The following ADAMTSL1 variants were observed in gnomAD, a reference collection of about 807,000 sequenced individuals.
The protein encoded by ADAMTSL1 is ADAMTS like 1.
ADAMTSL1 carries 126 observed loss-of-function variants against 201.8 expected under a neutral mutation model. That is an observed-to-expected ratio of 0.62 (90% CI 0.54 to 0.72). The LOEUF is 0.72. Among genes scored for constraint, ADAMTSL1 ranks in the 30% least tolerant of loss-of-function variants. ADAMTSL1 has a pLI of 0.00. For missense variants in ADAMTSL1, 2,679 were observed against 2,277.8 expected, an observed-to-expected ratio of 1.18 and a Z score of -3.59; for synonymous variants, 1,121 against 903.4, an observed-to-expected ratio of 1.24 and a Z score of -4.32.
At chr9:18,149,398 A>G (rs548600509) in intron 1 of ADAMTSL1, among the ~76,000 whole-genome samples, 9 of 152,146 alleles carry the variant, frequency 5.9e-5, no homozygotes, top group African/African-American at 2.2e-4. Context: ...CTATAGGGAT[A>G]AATGGAGACC....
At chr9:18,450,430 A>T (rs1417035) in intron 2 of ADAMTSL1, among the ~76,000 whole-genome samples, 1 of 151,710 alleles carries the variant, frequency 6.6e-6, no homozygotes, top group Non-Finnish European at 1.5e-5. Flanking sequence ...TAATGAAAAT[A>T]TATTTGCCAT....
chr9:17,985,560 G>T (rs1229376614), intron 1 of ADAMTSL1, among the ~76,000 whole-genome samples: 2 of 152,056 alleles, frequency 1.3e-5, no homozygotes, highest in Non-Finnish European at 2.9e-5. Context: ...AGACAAGGAG[G>T]AAATTGGTTG....
intron 1 of ADAMTSL1, among the ~76,000 whole-genome samples, chr9:18,075,845 G>T (rs1419180575): frequency 2.0e-5 from 3 of 152,126 alleles, no homozygotes; most frequent in Admixed American, 1.3e-4. Context: ...GCAGACCTGT[G>T]CCTGTAAAAG....
chr9:18,135,618 A>G (rs1296090309), intron 1 of ADAMTSL1, among the ~76,000 whole-genome samples: 1 of 152,084 alleles, frequency 6.6e-6, no homozygotes, highest in African/African-American at 2.4e-5. Flanking sequence ...AATGTAGCAA[A>G]CCCTGCTTTA....
At chr9:18,731,408 A>G (rs188483138) in intron 15 of ADAMTSL1, among the ~76,000 whole-genome samples, 1 of 152,218 alleles carries the variant, frequency 6.6e-6, no homozygotes, top group Non-Finnish European at 1.5e-5. Flanking sequence ...AGGTGGGAGG[A>G]TCACTTGAGC....
chr9:18,606,554 G>C (rs948634432), intron 4 of ADAMTSL1, among the ~76,000 whole-genome samples: 1 of 152,102 alleles, frequency 6.6e-6, no homozygotes, highest in Non-Finnish European at 1.5e-5. Context: ...AAGTCCCCTG[G>C]TATATTAGGT....
At chr9:18,202,715 T>A (rs1209674593) in intron 2 of ADAMTSL1, among the ~76,000 whole-genome samples, 1 of 152,176 alleles carries the variant, frequency 6.6e-6, no homozygotes, top group Admixed American at 6.6e-5. Context: ...TATCTGCATA[T>A]ATGCTTCTCT....
chr9:18,241,591 A>G (rs1287841657), intron 2 of ADAMTSL1, among the ~76,000 whole-genome samples: 1 of 152,182 alleles, frequency 6.6e-6, no homozygotes, highest in Non-Finnish European at 1.5e-5. Context: ...CATATATAAC[A>G]TGATGTTATA....
At chr9:18,625,299 C>G (rs920451064) in intron 5 of ADAMTSL1, among the ~76,000 whole-genome samples, 1 of 150,088 alleles carries the variant, frequency 6.7e-6, no homozygotes, top group African/African-American at 2.5e-5. Context: ...CTTATGTTAT[C>G]AAGCCTCAGA....
intron 19 of ADAMTSL1, among the ~76,000 whole-genome samples, chr9:18,779,713 G>A (rs1284408642): frequency 2.0e-5 from 3 of 152,154 alleles, no homozygotes. Flanking sequence ...AAAGATTTCA[G>A]TCGAGCCCTT....
At chr9:18,765,037 G>A (rs1183551200) in intron 16 of ADAMTSL1, among the ~76,000 whole-genome samples, 1 of 152,048 alleles carries the variant, frequency 6.6e-6, no homozygotes, top group African/African-American at 2.4e-5. Flanking sequence ...TCCTCAATTT[G>A]AAAGAGAGAG....
intron 2 of ADAMTSL1, among the ~76,000 whole-genome samples, chr9:18,518,170 CA>C (rs1298724582): frequency 1.3e-5 from 2 of 152,086 alleles, no homozygotes; most frequent in Non-Finnish European, 2.9e-5. Flanking sequence ...ATTTTAGATT[CA>C]GGGGGTACAT....
chr9:18,262,997 G>A (rs774996998), intron 2 of ADAMTSL1, among the ~76,000 whole-genome samples: 26 of 152,288 alleles, frequency 1.7e-4, no homozygotes, highest in Non-Finnish European at 1.6e-4. Flanking sequence ...TGAAAACTGG[G>A]TACAAGTACT....
intron 4 of ADAMTSL1, among the ~76,000 whole-genome samples, chr9:18,576,573 C>T (rs1822743708): frequency 6.6e-6 from 1 of 152,102 alleles, no homozygotes; most frequent in Admixed American, 6.5e-5. Flanking sequence ...TTTTTAGAGC[C>T]AGAAGATAGC....
chr9:18,014,832 G>A (rs1315927223), intron 1 of ADAMTSL1, among the ~76,000 whole-genome samples: 1 of 151,974 alleles, frequency 6.6e-6, no homozygotes, highest in African/African-American at 2.4e-5. Flanking sequence ...GAGTTTCAGA[G>A]TCATTACCAG....
intron 1 of ADAMTSL1, among the ~76,000 whole-genome samples, chr9:17,918,112 T>C (rs1306506767): frequency 2.6e-5 from 4 of 151,892 alleles, no homozygotes; most frequent in Admixed American, 6.6e-5. Context: ...AAGCAGCTTT[T>C]GGTTTAATGA....
At chr9:18,287,673 A>G (rs115492852) in intron 2 of ADAMTSL1, among the ~76,000 whole-genome samples, 9,239 of 151,284 alleles carry the variant, frequency 0.061, 963 homozygotes, top group African/African-American at 0.21. Context: ...ATGTATGTGT[A>G]TACATACATA....
At chr9:18,042,400 G>A (rs1821465544) in intron 1 of ADAMTSL1, among the ~76,000 whole-genome samples, 1 of 152,000 alleles carries the variant, frequency 6.6e-6, no homozygotes, top group Non-Finnish European at 1.5e-5. Context: ...CAACTTTCAT[G>A]GACTATCTCA....
At chr9:18,126,645 A>G (rs1825741603) in intron 1 of ADAMTSL1, among the ~76,000 whole-genome samples, 1 of 152,170 alleles carries the variant, frequency 6.6e-6, no homozygotes, top group Non-Finnish European at 1.5e-5. Flanking sequence ...ATTTTGAACT[A>G]TTATTATAAT....
Sources: allele counts gnomAD v4.1 joint callset (sites outside exome capture counted in the v4.1 genomes callset), GRCh38; gene constraint gnomAD v4.1.1; transcripts MANE v1.5; gene names NCBI Gene and HGNC (gene_info 2026-07-23, HGNC 2026-07-21).